TAOK3: variants seen among roughly 807,000 people sequenced by gnomAD.
TAOK3 encodes TAO kinase 3, also known as serine/threonine-protein kinase TAO3.
TAOK3 carries 40 observed loss-of-function variants against 120.4 expected under a neutral mutation model. The observed-to-expected ratio is 0.33, with a 90% CI of 0.26 to 0.43. TAOK3 has a LOEUF of 0.43. Among genes scored for constraint, TAOK3 ranks in the 20% least tolerant of loss-of-function variants. The pLI is 1.00. For missense variants in TAOK3, 821 were observed against 1,112.1 expected (o/e 0.74, Z 3.72); for synonymous variants, 355 against 387.5 (o/e 0.92, Z 0.99).
At chr12:118,321,917 A>G (rs1212355451) in intron 1 of TAOK3, among the ~76,000 whole-genome samples, 1 of 152,208 alleles carries the variant, frequency 6.6e-6, no homozygotes, top group South Asian at 2.1e-4. Flanking sequence ...GATCCCATTA[A>G]CAATTGCATT....
At chr12:118,212,388 T>A (rs935378467) in intron 11 of TAOK3, among the ~76,000 whole-genome samples, 1 of 152,226 alleles carries the variant, frequency 6.6e-6, no homozygotes, top group Admixed American at 6.5e-5. Flanking sequence ...TGAAAAGAGA[T>A]GCTTGGTGAT....
chr12:118,314,926 T>C (rs2043393620), intron 1 of TAOK3, among the ~76,000 whole-genome samples: 6 of 151,996 alleles, frequency 3.9e-5, no homozygotes, highest in Admixed American at 3.9e-4. Context: ...CTTTTTCTTT[T>C]TCTTTTTTTT....
chr12:118,221,784 G>A (rs1593205981), intron 9 of TAOK3, among the ~76,000 whole-genome samples: 3 of 151,720 alleles, frequency 2.0e-5, no homozygotes, highest in East Asian at 3.9e-4. Context: ...ACAGGTGCCC[G>A]CCACCACGCC....
At chr12:118,312,244 G>C (rs777383340) in intron 1 of TAOK3, among the ~76,000 whole-genome samples, 2 of 151,992 alleles carry the variant, frequency 1.3e-5, no homozygotes, top group Non-Finnish European at 2.9e-5. Context: ...ATTAAACATT[G>C]AGACATAGCT....
At chr12:118,164,400 G>C (rs1411427804) in intron 17 of TAOK3, among the ~76,000 whole-genome samples, 1 of 151,976 alleles carries the variant, frequency 6.6e-6, no homozygotes, top group Non-Finnish European at 1.5e-5. Flanking sequence ...AAGCTTTTGA[G>C]CTGTACTTTA....
intron 17 of TAOK3, 68 bp from the exon 18 acceptor site, chr12:118,162,095 A>C: frequency 6.3e-7 from 1 of 1,579,498 alleles, no homozygotes; most frequent in Admixed American, 1.7e-5. Context: ...ATGCACAACT[A>C]AGTGAGGGAG....
intron 9 of TAOK3, among the ~76,000 whole-genome samples, chr12:118,226,171 C>T (rs552599500): frequency 1.3e-5 from 2 of 152,174 alleles, no homozygotes; most frequent in African/African-American, 2.4e-5. Flanking sequence ...GTCAGGAGAT[C>T]GAGACCATCC....
chr12:118,336,713 A>G (rs764211033), intron 1 of TAOK3, among the ~76,000 whole-genome samples: 2 of 152,230 alleles, frequency 1.3e-5, no homozygotes, highest in African/African-American at 4.8e-5. Flanking sequence ...AAGGACTAGT[A>G]TGTAAAAAAT....
chr12:118,270,542 T>A (rs1246941000), intron 1 of TAOK3, among the ~76,000 whole-genome samples: 1 of 152,090 alleles, frequency 6.6e-6, no homozygotes, highest in Non-Finnish European at 1.5e-5. Flanking sequence ...CAGGAAAAAA[T>A]AAATTCCATT....
At chr12:118,255,100 T>C (rs972797864) in intron 3 of TAOK3, among the ~76,000 whole-genome samples, 1 of 151,368 alleles carries the variant, frequency 6.6e-6, no homozygotes. Flanking sequence ...AATAAGTGAG[T>C]CAATTGATTA....
chr12:118,267,972 G>A (rs1262716450), intron 1 of TAOK3, among the ~76,000 whole-genome samples: 1 of 151,686 alleles, frequency 6.6e-6, no homozygotes, highest in Admixed American at 6.6e-5. Flanking sequence ...TTTCTCCATG[G>A]ACGTATTTAT....
chr12:118,179,211 G>A (rs2138826940), intron 15 of TAOK3, among the ~76,000 whole-genome samples: 1 of 152,266 alleles, frequency 6.6e-6, no homozygotes, highest in African/African-American at 2.4e-5. Flanking sequence ...GAGAGACAGA[G>A]AGACCAAGAG....
intron 19 of TAOK3, among the ~76,000 whole-genome samples, chr12:118,152,950 C>T (rs1352756518): frequency 6.6e-6 from 1 of 152,162 alleles, no homozygotes; most frequent in African/African-American, 2.4e-5. Context: ...AGTTCTTTAA[C>T]CCTAAAATCA....
At chr12:118,180,848 A>ATT (rs1296532215) in intron 15 of TAOK3, among the ~76,000 whole-genome samples, 3 of 143,152 alleles carry the variant, frequency 2.1e-5, no homozygotes, top group Non-Finnish European at 3.1e-5. Context: ...CATAAGTATA[A>ATT]TTTTTTTTTT....
At chr12:118,168,822 T>C (rs1215933913) in intron 17 of TAOK3, among the ~76,000 whole-genome samples, 1 of 152,184 alleles carries the variant, frequency 6.6e-6, no homozygotes, top group Non-Finnish European at 1.5e-5. Flanking sequence ...CAAATATCTA[T>C]TATTAGAATA....
intron 9 of TAOK3, among the ~76,000 whole-genome samples, chr12:118,215,152 T>C (rs1239143502): frequency 6.7e-6 from 1 of 149,408 alleles, no homozygotes; most frequent in Admixed American, 6.6e-5. Flanking sequence ...GTGCTGGGAT[T>C]ACAGGCGTGA....
intron 1 of TAOK3, among the ~76,000 whole-genome samples, chr12:118,345,690 T>C (rs2044826355): frequency 6.6e-6 from 1 of 151,896 alleles, no homozygotes; most frequent in African/African-American, 2.4e-5. Context: ...CCCATCCTGC[T>C]TGAAAAAAAA....
chr12:118,324,834 T>C (rs932783206), intron 1 of TAOK3, among the ~76,000 whole-genome samples: 1 of 135,246 alleles, frequency 7.4e-6, no homozygotes, highest in Non-Finnish European at 1.5e-5. Flanking sequence ...AATTTCTGCC[T>C]CCCGGGTTCA....
intron 13 of TAOK3, chr12:118,198,829 T>C: frequency 1.8e-6 from 1 of 563,892 alleles, no homozygotes; most frequent in Non-Finnish European, 3.2e-6. Flanking sequence ...TTGATGATGA[T>C]GGACATCAGA....
Sources: allele counts gnomAD v4.1 joint callset (sites outside exome capture counted in the v4.1 genomes callset), GRCh38; gene constraint gnomAD v4.1.1; transcripts MANE v1.5; gene names NCBI Gene and HGNC (gene_info 2026-07-23, HGNC 2026-07-21).